EML1: variants seen among roughly 807,000 people sequenced by gnomAD.
EML1 encodes echinoderm microtubule-associated protein-like 1.
In EML1, 27 loss-of-function variants were observed where a neutral mutation model predicts 110.4. That is an observed-to-expected ratio of 0.24 (90% CI 0.18 to 0.34). The LOEUF (loss-of-function observed/expected upper bound fraction) is 0.34, where lower values mean the gene tolerates loss of function less well. Ranked by LOEUF, EML1 falls within the 10% of genes least tolerant of loss-of-function variation. The pLI is 1.00. For synonymous variants in EML1, 344 were observed against 385.8 expected, an observed-to-expected ratio of 0.89 and a Z score of 1.27; for missense variants, 741 against 1,030.9, an observed-to-expected ratio of 0.72 and a Z score of 3.85.
chr14:99,884,370 G>A (rs767492703), intron 4 of EML1, among the ~76,000 whole-genome samples: 1 of 152,236 alleles, frequency 6.6e-6, no homozygotes, highest in Non-Finnish European at 1.5e-5. Flanking sequence ...CAGTTTCACT[G>A]CTGTGCTGGA....
chr14:99,886,342 T>C (rs1442985883), intron 4 of EML1, among the ~76,000 whole-genome samples: 1 of 151,806 alleles, frequency 6.6e-6, no homozygotes, highest in African/African-American at 2.4e-5. Flanking sequence ...ATTAGCCGAG[T>C]TTGGTGGCAT....
chr14:99,758,631 A>G (rs1566852126), intron 1 of EML1, among the ~76,000 whole-genome samples: 1 of 152,174 alleles, frequency 6.6e-6, no homozygotes, highest in Non-Finnish European at 1.5e-5. Context: ...TCACGCCCTC[A>G]TGCAGTGATT....
At chr14:99,886,450 C>G (rs1274620241) in intron 4 of EML1, among the ~76,000 whole-genome samples, 1 of 152,232 alleles carries the variant, frequency 6.6e-6, no homozygotes, top group African/African-American at 2.4e-5. Context: ...CACTGCACTT[C>G]AGCCTGCGCG....
intron 4 of EML1, 69 bp downstream of exon 4, chr14:99,878,688 T>G (rs1595421521): frequency 1.3e-6 from 2 of 1,531,798 alleles, no homozygotes; most frequent in Non-Finnish European, 8.8e-7. Flanking sequence ...CAGAGAGGAG[T>G]CAGAAGATCC....
chr14:99,789,444 G>A (rs1000892223), upstream of EML1, among the ~76,000 whole-genome samples: 8 of 152,106 alleles, frequency 5.3e-5, no homozygotes, highest in African/African-American at 1.9e-4. Context: ...CCTGACCTCA[G>A]GTGATCCACC....
intron 19 of EML1, among the ~76,000 whole-genome samples, chr14:99,937,314 C>T (rs550988695): frequency 6.6e-6 from 1 of 152,354 alleles, no homozygotes; most frequent in South Asian, 2.1e-4. Context: ...AGCCCTGGGT[C>T]TAGAGCCTTC....
chr14:99,748,825 C>T (rs1021296964), intron 1 of EML1, among the ~76,000 whole-genome samples: 8 of 152,204 alleles, frequency 5.3e-5, no homozygotes, highest in African/African-American at 1.7e-4. Flanking sequence ...CTTCTAGCTT[C>T]CTCCCCACAG....
At chr14:99,892,439 T>A (rs2059603888) in intron 5 of EML1, among the ~76,000 whole-genome samples, 1 of 152,176 alleles carries the variant, frequency 6.6e-6, no homozygotes, top group African/African-American at 2.4e-5. Flanking sequence ...TTTTCATCTA[T>A]GTAAACCTTA....
Position 99,928,155 on chromosome 14 carries a change from GTGA to G in EML1, c.1909+7281_1909+7283del, listed in dbSNP as rs1271466921. ...GGTGGTGGTGGTGGTGGTGGTGGTGGTGATGGTGGTGGTGGTGGAGGTGGTGGT... is the reference window on the plus strand; with the variant it reads ...GGTGGTGGTGGTGGTGGTGGTGGTGGTGGTGGTGGTGGTGGAGGTGGTGGT... On this transcript the variant is annotated intron_variant, in intron 17 of 21. Transcript: ENST00000262233. Among the ~76,000 whole-genome samples the G allele has an allele frequency of 2.4e-5, 3 of 125,666 alleles. 1 individual carries two copies. The highest frequency in any genetic ancestry group is 3.5e-5 in the Non-Finnish European group (2 of 57,258). The allele number at this position is 125,666 out of a possible 152,430, so 82.4% of individuals were successfully genotyped here. A position where few individuals can be genotyped will look rare whatever the true frequency, so the allele number is the denominator to read the frequency against.
At chr14:99,887,011 C>T (rs995037591) in intron 4 of EML1, among the ~76,000 whole-genome samples, 3 of 152,336 alleles carry the variant, frequency 2.0e-5, no homozygotes, top group East Asian at 3.9e-4. Context: ...GCGGTGTTGA[C>T]CGCACTGGTG....
chr14:99,835,472 A>T (rs1566889528), intron 1 of EML1, among the ~76,000 whole-genome samples: 1 of 151,682 alleles, frequency 6.6e-6, no homozygotes. Flanking sequence ...TTTTGCTCTA[A>T]TGTATATTGC....
intron 1 of EML1, among the ~76,000 whole-genome samples, chr14:99,741,430 T>C (rs1205250521): frequency 6.6e-6 from 1 of 152,000 alleles, no homozygotes; most frequent in African/African-American, 2.4e-5. Context: ...ACCAAGACAT[T>C]CAGCTGGGTG....
At chr14:99,862,913 A>G (rs1338113842) in intron 2 of EML1, among the ~76,000 whole-genome samples, 1 of 152,166 alleles carries the variant, frequency 6.6e-6, no homozygotes, top group East Asian at 1.9e-4. Context: ...GCTCAGAAAC[A>G]TGTGTTTATA....
intron 1 of EML1, among the ~76,000 whole-genome samples, chr14:99,821,167 C>A (rs2058255928): frequency 6.6e-6 from 1 of 152,000 alleles, no homozygotes; most frequent in Non-Finnish European, 1.5e-5. Flanking sequence ...GGACCGTAGG[C>A]ATGTGCCACC....
At chr14:99,851,145 A>ATTC (rs2058791842) in intron 2 of EML1, 110 bp downstream of exon 2, 1 of 1,196,438 alleles carries the variant, frequency 8.4e-7, no homozygotes, top group South Asian at 1.6e-5. Flanking sequence ...GAAACTTAGA[A>ATTC]TAACAATAAA....
intron 16 of EML1, among the ~76,000 whole-genome samples, chr14:99,919,784 A>C (rs1347090154): frequency 6.6e-6 from 1 of 152,214 alleles, no homozygotes; most frequent in Non-Finnish European, 1.5e-5. Flanking sequence ...AGCACATTAA[A>C]GGTAAATGGT....
rs976145051 is a variant in EML1, at chr14:99,827,446, A to G, written c.68-23407A>G. Among the ~76,000 whole-genome samples the G allele has an allele frequency of 6.6e-6, 1 of 152,210 alleles. No individual in the cohort carries two copies. The highest frequency in any genetic ancestry group is 1.5e-5 in the Non-Finnish European group (1 of 68,038). ...ATACCCTTGCAGCGTATCCAGGCCC[A>G]GTAGGCACGAGTACTATAAATACCC... is the stretch of plus-strand genomic sequence containing the variant. On this transcript the variant is annotated intron_variant, in intron 1 of 21. Coordinates refer to ENST00000262233, the MANE Select transcript of EML1 (RefSeq NM_004434.3). The surrounding 1 kb of genome is among the most constrained non-coding windows in gnomAD (Gnocchi z 4.4).
chr14:99,919,680 G>A (rs1348085229), intron 16 of EML1, among the ~76,000 whole-genome samples: 4 of 152,274 alleles, frequency 2.6e-5, no homozygotes, highest in African/African-American at 9.6e-5. Context: ...TTGCCATTCA[G>A]GTCCTAGGTT....
At chr14:99,759,954 G>T (rs2057296462) in intron 1 of EML1, among the ~76,000 whole-genome samples, 1 of 151,618 alleles carries the variant, frequency 6.6e-6, no homozygotes, top group Non-Finnish European at 1.5e-5. Context: ...TATAAATACA[G>T]AAATTAGCCG....
Sources: allele counts gnomAD v4.1 joint callset (sites outside exome capture counted in the v4.1 genomes callset), GRCh38; gene constraint gnomAD v4.1.1; non-coding constraint Gnocchi (gnomAD v3.1); transcripts MANE v1.5; gene names NCBI Gene and HGNC (gene_info 2026-07-23, HGNC 2026-07-21).